ERG: variants seen among roughly 807,000 people sequenced by gnomAD.
The protein encoded by ERG is transcriptional regulator ERG.
Under a neutral mutation model 55.3 loss-of-function variants are expected in ERG, and 9 were observed. That is an observed-to-expected ratio of 0.16 (90% CI 0.10 to 0.28). The LOEUF (loss-of-function observed/expected upper bound fraction) is 0.28, where lower values mean the gene tolerates loss of function less well. ERG is among the 10% of genes least tolerant of loss of function. ERG has a pLI of 1.00. For missense variants in ERG, 434 were observed against 631.6 expected (o/e 0.69, Z 3.35); for synonymous variants, 223 against 237.3 (o/e 0.94, Z 0.55).
chr21:38,640,889 CA>C (rs2146970063), intron 1 of ERG, among the ~76,000 whole-genome samples: 1 of 152,254 alleles, frequency 6.6e-6, no homozygotes, highest in East Asian at 1.9e-4. Context: ...AAATGGAAGG[CA>C]GAGAACTGCT....
chr21:38,427,343 G>A (rs1285237593), intron 2 of ERG, among the ~76,000 whole-genome samples: 2 of 152,238 alleles, frequency 1.3e-5, no homozygotes, highest in African/African-American at 4.8e-5. Context: ...CCAAGGTGCT[G>A]GGATTACAGG....
At chr21:38,551,719 AG>A (rs1322659410) in intron 2 of ERG, among the ~76,000 whole-genome samples, 3 of 152,082 alleles carry the variant, frequency 2.0e-5, no homozygotes, top group Non-Finnish European at 4.4e-5. Flanking sequence ...GTATGATTTC[AG>A]GGTTTTTTTT....
chr21:38,396,861 G>A (rs926978998), intron 6 of ERG, among the ~76,000 whole-genome samples: 1 of 152,096 alleles, frequency 6.6e-6, no homozygotes, highest in African/African-American at 2.4e-5. Flanking sequence ...GATTCTGGTC[G>A]TAGTAACTGC....
Position 38,381,405 on chromosome 21 carries a change from T to C in ERG, c.*1998A>G. The C allele has an allele frequency of 2.8e-6, 3 of 1,063,108 alleles. No individual in the cohort carries two copies. The South Asian group carries it at 1.4e-4, about 48-fold the overall frequency. The allele number at this position is 1,063,108 out of a possible 1,614,324, so 65.9% of individuals were successfully genotyped here. A position where few individuals can be genotyped will look rare whatever the true frequency, so the allele number is the denominator to read the frequency against. ...GGAAACTGACTCTAGATTATGGAAA[T>C]AAACATTGTCTTCAAGGGATAGCCA... On this transcript the variant is annotated 3_prime_UTR_variant, in exon 10 of 10. Transcript: ENST00000288319.
At chr21:38,551,608 C>G (rs1283028939) in intron 2 of ERG, among the ~76,000 whole-genome samples, 1 of 152,074 alleles carries the variant, frequency 6.6e-6, no homozygotes, top group Non-Finnish European at 1.5e-5. Flanking sequence ...ATTGTTTACC[C>G]AAAAGTCATT....
chr21:38,599,168 G>A (rs543471363), intron 1 of ERG, among the ~76,000 whole-genome samples: 2 of 152,180 alleles, frequency 1.3e-5, no homozygotes, highest in East Asian at 1.9e-4. Flanking sequence ...GAGAGGCCAT[G>A]GGGGGGCACA....
At chr21:38,602,868 G>A (rs1292159416) in intron 1 of ERG, among the ~76,000 whole-genome samples, 8 of 151,878 alleles carry the variant, frequency 5.3e-5, no homozygotes, top group South Asian at 4.1e-4. Context: ...AGAAAAAAAC[G>A]ACGATTCCAG....
intron 2 of ERG, among the ~76,000 whole-genome samples, chr21:38,436,519 C>T (rs1005196778): frequency 2.6e-5 from 4 of 152,082 alleles, no homozygotes; most frequent in Non-Finnish European, 4.4e-5. Context: ...AAGAAGAGTC[C>T]AGGCCTGTGG....
intron 2 of ERG, among the ~76,000 whole-genome samples, chr21:38,547,494 A>G (rs997463153): frequency 2.0e-5 from 3 of 152,182 alleles, no homozygotes; most frequent in Non-Finnish European, 4.4e-5. Flanking sequence ...GACACCTGGG[A>G]GAGATTTATT....
At chr21:38,569,099 G>A (rs549617643) in intron 2 of ERG, among the ~76,000 whole-genome samples, 1 of 152,344 alleles carries the variant, frequency 6.6e-6, no homozygotes, top group Non-Finnish European at 1.5e-5. Flanking sequence ...CGCTGTGCCC[G>A]AAGTGTTTGA....
intron 3 of ERG, among the ~76,000 whole-genome samples, chr21:38,406,166 A>AAAAAAAAAAAAAAAAAAAAAAAAAAC (rs1988761623): frequency 6.6e-6 from 1 of 151,068 alleles, no homozygotes; most frequent in African/African-American, 2.4e-5. Flanking sequence ...AAAAAAAAAA[A>AAAAAAAAAAAAAAAAAAAAAAAAAAC]AAAAAAAAAT....
chr21:38,430,935 G>A (rs1321593724), intron 2 of ERG, among the ~76,000 whole-genome samples: 1 of 151,166 alleles, frequency 6.6e-6, no homozygotes, highest in Non-Finnish European at 1.5e-5. Flanking sequence ...AATAGTGTAG[G>A]AAGACAACCA....
At chr21:38,580,829 G>A (rs1463834210) in intron 1 of ERG, among the ~76,000 whole-genome samples, 1 of 152,184 alleles carries the variant, frequency 6.6e-6, no homozygotes, top group Non-Finnish European at 1.5e-5. Context: ...AGGCAGTATT[G>A]CAAAATGGTT....
intron 1 of ERG, among the ~76,000 whole-genome samples, chr21:38,618,813 C>T (rs1367329470): frequency 2.0e-5 from 3 of 152,190 alleles, no homozygotes; most frequent in Non-Finnish European, 4.4e-5. Flanking sequence ...TGTGACATTG[C>T]TCAAGTGACA....
At chr21:38,437,372 C>T (rs1317202310) in intron 2 of ERG, among the ~76,000 whole-genome samples, 1 of 152,214 alleles carries the variant, frequency 6.6e-6, no homozygotes, top group Non-Finnish European at 1.5e-5. Context: ...CTGTGTACTG[C>T]AGGATGTCCC....
At chr21:38,497,771 A>G (rs1471145258) in intron 1 of ERG, among the ~76,000 whole-genome samples, 1 of 152,192 alleles carries the variant, frequency 6.6e-6, no homozygotes, top group Non-Finnish European at 1.5e-5. Flanking sequence ...TTTATTGAAG[A>G]TAAACATATA....
chr21:38,579,587 A>C (rs982510615), intron 1 of ERG, among the ~76,000 whole-genome samples: 20 of 152,176 alleles, frequency 1.3e-4, no homozygotes, highest in African/African-American at 4.8e-4. Flanking sequence ...GGTGAAAGGC[A>C]TGAAGCAGGG....
intron 1 of ERG, among the ~76,000 whole-genome samples, chr21:38,597,472 T>TACACACACACACACACACACACAC (rs3065420): frequency 1.3e-5 from 2 of 148,266 alleles, no homozygotes; most frequent in East Asian, 2.0e-4. Context: ...TATATATATC[T>TACACACACACACACACACACACAC]ACACACACAC....
chr21:38,579,966 G>A (rs534008606), intron 1 of ERG, among the ~76,000 whole-genome samples: 5 of 151,922 alleles, frequency 3.3e-5, no homozygotes, highest in Non-Finnish European at 5.9e-5. Flanking sequence ...GACTACAGCC[G>A]CCCACCACCA....
Sources: allele counts gnomAD v4.1 joint callset (sites outside exome capture counted in the v4.1 genomes callset), GRCh38; gene constraint gnomAD v4.1.1; transcripts MANE v1.5; gene names NCBI Gene and HGNC (gene_info 2026-07-23, HGNC 2026-07-21).